PLXDC2: variants seen among roughly 807,000 people sequenced by gnomAD.
PLXDC2 encodes plexin domain-containing protein 2.
PLXDC2 carries 40 observed loss-of-function variants against 68.9 expected under a neutral mutation model. The observed-to-expected ratio is 0.58, with a 90% confidence interval of 0.45 to 0.76. PLXDC2 has a LOEUF of 0.76. PLXDC2 is among the 30% of genes least tolerant of loss of function. PLXDC2 has a pLI of 0.00. For missense variants in PLXDC2, 644 were observed against 661.9 expected, an observed-to-expected ratio of 0.97 and a Z score of 0.30; for synonymous variants, 243 against 234.2, an observed-to-expected ratio of 1.04 and a Z score of -0.34.
At chr10:20,107,081 A>G (rs915974667) in intron 4 of PLXDC2, among the ~76,000 whole-genome samples, 2 of 148,438 alleles carry the variant, frequency 1.3e-5, no homozygotes, top group Admixed American at 1.4e-4. Flanking sequence ...TATATAGTAT[A>G]TATATACACT....
chr10:20,275,589 A>T (rs937542599), intron 13 of PLXDC2, among the ~76,000 whole-genome samples: 2 of 152,146 alleles, frequency 1.3e-5, no homozygotes, highest in African/African-American at 4.8e-5. Context: ...TTTATTAGAA[A>T]ACAAAAAGAG....
chr10:20,032,273 A>C (rs952437483), intron 2 of PLXDC2, among the ~76,000 whole-genome samples: 3 of 152,212 alleles, frequency 2.0e-5, no homozygotes, highest in Admixed American at 2.0e-4. Context: ...ATGATGTTGG[A>C]GAATATGGAC....
At chr10:19,964,251 G>A (rs1458329726) in intron 1 of PLXDC2, among the ~76,000 whole-genome samples, 1 of 152,112 alleles carries the variant, frequency 6.6e-6, no homozygotes, top group Non-Finnish European at 1.5e-5. Flanking sequence ...TGGGGAGCCG[G>A]CTCCAACTTA....
intron 4 of PLXDC2, among the ~76,000 whole-genome samples, chr10:20,109,492 T>C (rs1833531143): frequency 6.6e-6 from 1 of 152,218 alleles, no homozygotes; most frequent in Admixed American, 6.5e-5. Context: ...AGTGATACAC[T>C]GAAAACATTA....
At chr10:19,919,699 C>G (rs1833427592) in intron 1 of PLXDC2, among the ~76,000 whole-genome samples, 1 of 152,112 alleles carries the variant, frequency 6.6e-6, no homozygotes, top group Non-Finnish European at 1.5e-5. Context: ...CCCATCAGAC[C>G]TTTGGTTTAT....
chr10:20,093,474 A>T (rs1336888486), intron 4 of PLXDC2, among the ~76,000 whole-genome samples: 1 of 152,166 alleles, frequency 6.6e-6, no homozygotes, highest in Non-Finnish European at 1.5e-5. Flanking sequence ...TTTGGTTTCC[A>T]CAGCCATGAT....
chr10:19,968,043 G>A (rs1382696107), intron 1 of PLXDC2, among the ~76,000 whole-genome samples: 1 of 152,182 alleles, frequency 6.6e-6, no homozygotes, highest in African/African-American at 2.4e-5. Context: ...TCAAATATTT[G>A]AAAGGCTGTC....
intron 1 of PLXDC2, among the ~76,000 whole-genome samples, chr10:19,869,011 T>C (rs1267309402): frequency 6.6e-6 from 1 of 152,204 alleles, no homozygotes; most frequent in Non-Finnish European, 1.5e-5. Flanking sequence ...TCCCACAGAT[T>C]ATTATGGGCA....
intron 7 of PLXDC2, among the ~76,000 whole-genome samples, chr10:20,175,154 C>T (rs1289796764): frequency 1.3e-5 from 2 of 151,934 alleles, no homozygotes; most frequent in African/African-American, 2.4e-5. Context: ...TAAAGTTAGG[C>T]AAAAAGTGTA....
rs1349952397 is a variant in PLXDC2, at chr10:20,206,865, CA to C, written c.1062-4803del. Among the ~76,000 whole-genome samples, 4 of 147,786 alleles carry C rather than the reference CA, an allele frequency of 2.7e-5. No homozygotes were observed. The East Asian group carries it at 7.8e-4, about 29-fold the overall frequency. Reference sequence around the variant, plus strand: ...GTGCTTTGAAACACACACACACACACACACACACAGACACACACACACACAG... The same window carrying C: ...GTGCTTTGAAACACACACACACACACCACACACAGACACACACACACACAG... On this transcript the variant is annotated intron_variant, in intron 9 of 13. Coordinates refer to ENST00000377252, the MANE Select transcript of PLXDC2 (RefSeq NM_032812.9).
At chr10:20,000,945 C>G (rs1834925889) in intron 1 of PLXDC2, among the ~76,000 whole-genome samples, 1 of 152,146 alleles carries the variant, frequency 6.6e-6, no homozygotes. Context: ...CCCTGCTGAC[C>G]TACTGAAATG....
intron 1 of PLXDC2, among the ~76,000 whole-genome samples, chr10:19,839,305 G>A (rs1225012613): frequency 6.6e-6 from 1 of 152,098 alleles, no homozygotes; most frequent in Admixed American, 6.5e-5. Flanking sequence ...GCCCAGGACA[G>A]CTTTGAATGC....
At chr10:20,065,913 G>T (rs988392541) in intron 3 of PLXDC2, among the ~76,000 whole-genome samples, 6 of 152,368 alleles carry the variant, frequency 3.9e-5, no homozygotes, top group African/African-American at 1.4e-4. Context: ...GTTCCTAACA[G>T]GTCATGGCCT....
intron 6 of PLXDC2, among the ~76,000 whole-genome samples, chr10:20,154,458 G>A (rs1007103008): frequency 1.3e-5 from 2 of 151,806 alleles, no homozygotes; most frequent in African/African-American, 4.8e-5. Context: ...TAGCTACTGA[G>A]GAGGCTGAGG....
chr10:19,822,494 G>A (rs1836487861), intron 1 of PLXDC2, among the ~76,000 whole-genome samples: 1 of 152,156 alleles, frequency 6.6e-6, no homozygotes, highest in African/African-American at 2.4e-5. Flanking sequence ...ATATACAGAA[G>A]AGAGGTTGCT....
chr10:20,215,438 T>A (rs1835123114), intron 10 of PLXDC2, among the ~76,000 whole-genome samples: 1 of 152,034 alleles, frequency 6.6e-6, no homozygotes, highest in Admixed American at 6.6e-5. Context: ...GAAAGCAGTA[T>A]AATGTCAGGA....
intron 9 of PLXDC2, among the ~76,000 whole-genome samples, chr10:20,198,675 TTA>T (rs1341885134): frequency 2.0e-5 from 3 of 152,130 alleles, no homozygotes; most frequent in African/African-American, 7.2e-5. Flanking sequence ...CATAAAAAAA[TTA>T]TATCTCTGAT....
chr10:20,046,107 A>G (rs1446444863), intron 2 of PLXDC2, among the ~76,000 whole-genome samples: 1 of 152,158 alleles, frequency 6.6e-6, no homozygotes, highest in Non-Finnish European at 1.5e-5. Flanking sequence ...AGGCCCTGAT[A>G]TAACCTTATT....
intron 6 of PLXDC2, among the ~76,000 whole-genome samples, chr10:20,157,381 C>A (rs1037445247): frequency 1.3e-5 from 2 of 152,148 alleles, no homozygotes; most frequent in Non-Finnish European, 2.9e-5. Flanking sequence ...CAATCAAACC[C>A]TTGCTGAGAT....
Sources: allele counts gnomAD v4.1 joint callset (sites outside exome capture counted in the v4.1 genomes callset), GRCh38; gene constraint gnomAD v4.1.1; transcripts MANE v1.5; gene names NCBI Gene and HGNC (gene_info 2026-07-23, HGNC 2026-07-21).